Variants in CSNK1E observed in about 807,000 individuals in gnomAD.
CSNK1E encodes casein kinase I isoform epsilon.
Under a neutral mutation model 46.1 loss-of-function variants are expected in CSNK1E, and 17 were observed. That is an observed-to-expected ratio of 0.37 (90% CI 0.25 to 0.55). CSNK1E has a LOEUF of 0.55. Among genes scored for constraint, CSNK1E ranks in the 20% least tolerant of loss-of-function variants. CSNK1E has a pLI of 0.82. For synonymous variants in CSNK1E, 241 were observed against 242.6 expected (o/e 0.99, Z 0.06); for missense variants, 386 against 595.4 (o/e 0.65, Z 3.66).
Position 38,298,196 on chromosome 22 carries a change from GA to G in CSNK1E, c.885+589del. 2 of 1,303,948 alleles carry G rather than the reference GA, an allele frequency of 1.5e-6. No homozygotes were observed. 80.8% of individuals were successfully genotyped at this position (1,303,948 alleles called of 1,614,324 possible). A position where few individuals can be genotyped will look rare whatever the true frequency, so the allele number is the denominator to read the frequency against. ...GTCACGGGGCTGAGCCTGGCTCGAG[GA>G]AGCCCCCTTTTCCAGAAGAGATGTG... On this transcript the variant is annotated intron_variant, in intron 7 of 10. Coordinates refer to ENST00000396832, the MANE Select transcript of CSNK1E (RefSeq NM_152221.3). This position sits in a 1 kb window ranked among gnomAD's most constrained non-coding sequence, Gnocchi z 4.2.
At chr22:38,297,159 G>C (rs2092645283) in intron 7 of CSNK1E, 5 of 778,812 alleles carry the variant, frequency 6.4e-6, no homozygotes, top group African/African-American at 3.4e-5. Context: ...TGTCCGTCTA[G>C]AGAATACAAA....
At chr22:38,297,474 C>T (rs2092647050) in intron 7 of CSNK1E, 2 of 788,128 alleles carry the variant, frequency 2.5e-6, no homozygotes, top group Non-Finnish European at 3.2e-6. Context: ...CCTTAGTGAA[C>T]AAGAAACCCA....
intron 2 of CSNK1E, among the ~76,000 whole-genome samples, chr22:38,304,499 C>A (rs967000201): frequency 6.6e-6 from 1 of 152,206 alleles, no homozygotes; most frequent in Non-Finnish European, 1.5e-5. Context: ...CCTGAGTGTA[C>A]ATCCTTCAGA....
chr22:38,301,085 G>C, intron 4 of CSNK1E, 133 bp from the exon 5 acceptor site: 1 of 720,254 alleles, frequency 1.4e-6, no homozygotes, highest in South Asian at 1.8e-5. Flanking sequence ...GGATAACTAA[G>C]GGGCAGGCCA....
rs1350266390 is a variant in CSNK1E at position 38,302,927 on chromosome 22, C to T, written c.270G>A (p.Glu90=). The T allele has an allele frequency of 6.2e-7, 1 of 1,614,160 alleles. No homozygotes were observed. Among genetic ancestry groups the T allele is most frequent in the Non-Finnish European group, 8.5e-7 (1 of 1,180,038 alleles). Residue 90 remains glutamate (E), a synonymous_variant, in exon 4 of 11, where the codon GAG becomes GAA. Coordinates refer to ENST00000396832, the MANE Select transcript of CSNK1E (RefSeq NM_152221.3). Reference sequence around the variant, plus strand: ...TGCGGGAACAGAAGTTGAACAGGTCCTCGAGGCTAGGCCCCAGCAGCTCCA... The same window carrying T: ...TGCGGGAACAGAAGTTGAACAGGTCTTCGAGGCTAGGCCCCAGCAGCTCCA... ...MVMELLGPSL[E]DLFNFCSRKF...
chr22:38,299,837 T>C, intron 6 of CSNK1E, 58 bp downstream of exon 6: 1 of 1,571,386 alleles, frequency 6.4e-7, no homozygotes, highest in Non-Finnish European at 8.7e-7. Context: ...GCCTCACCTT[T>C]CCCTTAGACA....
At chr22:38,305,759 G>C (rs1234174966) in intron 2 of CSNK1E, among the ~76,000 whole-genome samples, 1 of 152,180 alleles carries the variant, frequency 6.6e-6, no homozygotes, top group Non-Finnish European at 1.5e-5. Flanking sequence ...ATTGTCAAAA[G>C]TCTTACGAGA....
At chr22:38,299,585 G>A (rs1326085187) in intron 6 of CSNK1E, among the ~76,000 whole-genome samples, 1 of 152,232 alleles carries the variant, frequency 6.6e-6, no homozygotes, top group Non-Finnish European at 1.5e-5. Flanking sequence ...GTGCAATGGT[G>A]CAATCTCGGC....
At chr22:38,314,246 G>C in intron 1 of CSNK1E, 77 bp from the exon 2 acceptor site, 1 of 1,137,498 alleles carries the variant, frequency 8.8e-7, no homozygotes, top group Non-Finnish European at 1.3e-6. Flanking sequence ...AGGCCAGGCA[G>C]AGCCACCAGG....
chr22:38,300,626 TGG>T lies in CSNK1E; in HGVS notation c.565+96_565+97del. 8.5e-7 allele frequency: 1 copy of T among 1,175,458 alleles called. No homozygotes were observed. Among genetic ancestry groups the T allele is most frequent in the Non-Finnish European group, 1.2e-6 (1 of 817,146 alleles). The allele number at this position is 1,175,458 out of a possible 1,614,324, so 72.8% of individuals were successfully genotyped here. A position where few individuals can be genotyped will look rare whatever the true frequency, so the allele number is the denominator to read the frequency against. On this transcript the variant is annotated intron_variant, in intron 5 of 10. Transcript: ENST00000396832. The surrounding 1 kb of genome is among the most constrained non-coding windows in gnomAD (Gnocchi z 4.4). ...GGGACTTTCTCACTAGAAAAGAGCC[TGG>T]GGGCCTCCATCAGGGTAGGGGGTGA...
intron 10 of CSNK1E, 151 bp downstream of exon 10, chr22:38,293,104 T>C: frequency 1.5e-6 from 1 of 680,914 alleles, no homozygotes; most frequent in Non-Finnish European, 2.6e-6. Context: ...GGTTTTAAAC[T>C]ACTTGAGGCC....
chr22:38,316,772 G>A (rs1451776880), intron 1 of CSNK1E: 1 of 152,126 alleles, frequency 6.6e-6, no homozygotes, highest in African/African-American at 2.4e-5. Flanking sequence ...ATTGTCCGAT[G>A]AAACGCTACG....
At chr22:38,297,828 C>T in intron 7 of CSNK1E, 1 of 1,005,756 alleles carries the variant, frequency 9.9e-7, no homozygotes, top group Non-Finnish European at 1.2e-6. Context: ...ATCCCATCCT[C>T]CCAAGAAACA....
intron 1 of CSNK1E, among the ~76,000 whole-genome samples, chr22:38,315,607 GCA>G (rs1168708853): frequency 6.6e-6 from 1 of 151,498 alleles, no homozygotes; most frequent in Non-Finnish European, 1.5e-5. Flanking sequence ...AGAAAAGCAG[GCA>G]CACACAGTGA....
intron 7 of CSNK1E, chr22:38,297,772 C>G: frequency 2.0e-5 from 20 of 998,302 alleles, no homozygotes; most frequent in Non-Finnish European, 2.4e-5. Context: ...AGGGCCTTTT[C>G]CACCATGGCC....
At position 38,294,393 on chromosome 22, in the gene CSNK1E, T is replaced by C. The variant is rs369141815; in HGVS notation, c.1027A>G (p.Ser343Gly). The part of the protein sequence containing the change: ...PTGATANRLR[S>G]AAEPVASTPA... ...GTGGAAGCCACGGGCTCGGCGGCAC[T>C]GCGGAGCCGGTTGGCAGTGGCCCCC... is the stretch of plus-strand genomic sequence containing the variant. Residue 343 changes from serine (S) to glycine (G), a missense_variant, in exon 8 of 11, where the codon AGT becomes GGT. Physicochemically the swap from Ser to Gly is moderately conservative, Grantham distance 56 (BLOSUM62 0). Transcript: ENST00000396832. The surrounding 1 kb of genome is among the most constrained non-coding windows in gnomAD (Gnocchi z 5.5). 1.6e-4 allele frequency: 243 copies of C among 1,555,864 alleles called. 2 individuals carry two copies. In the Middle Eastern group the frequency reaches 6.0e-3, roughly 38 times the overall value.
At chr22:38,312,917 G>C (rs1046594664) in intron 2 of CSNK1E, among the ~76,000 whole-genome samples, 1 of 152,208 alleles carries the variant, frequency 6.6e-6, no homozygotes, top group Admixed American at 6.5e-5. Context: ...TGGGCATACA[G>C]GCTGCTTCTG....
chr22:38,303,150 T>C lies in CSNK1E; in HGVS notation c.175A>G (p.Met59Val). Residue 59 changes from methionine (M) to valine (V), a missense_variant, in exon 3 of 11, where the codon ATG (methionine) becomes GTG (valine). Transcript: ENST00000396832. The surrounding 1 kb of genome is among the most constrained non-coding windows in gnomAD (Gnocchi z 4.7). ...LHIESKFYKM[M>V]QGGVGIPSIK... Reference sequence around the variant, plus strand: ...ACCCTGCGCTCACCGCCACCCTGCATCATCTTGTAGAACTTGCTCTCGATG... The same window carrying C: ...ACCCTGCGCTCACCGCCACCCTGCACCATCTTGTAGAACTTGCTCTCGATG... 6.4e-7 allele frequency: 1 copy of C among 1,558,690 alleles called. No individual in the cohort carries two copies. Among genetic ancestry groups the C allele is most frequent in the Non-Finnish European group, 8.7e-7 (1 of 1,146,908 alleles).
chr22:38,296,675 G>A (rs1454963125), intron 7 of CSNK1E: 3 of 1,612,524 alleles, frequency 1.9e-6, no homozygotes, highest in African/African-American at 2.7e-5. Context: ...TGGGTGGAGA[G>A]GTGCTCCTGG....
Sources: allele counts gnomAD v4.1 joint callset (sites outside exome capture counted in the v4.1 genomes callset), GRCh38; gene constraint gnomAD v4.1.1; non-coding constraint Gnocchi (gnomAD v3.1); transcripts MANE v1.5; gene names NCBI Gene and HGNC (gene_info 2026-07-23, HGNC 2026-07-21).